KHDRBS2: variants seen among roughly 807,000 people sequenced by gnomAD.
KHDRBS2 encodes KH domain-containing, RNA-binding, signal transduction-associated protein 2.
Under a neutral mutation model 44.3 loss-of-function variants are expected in KHDRBS2, and 26 were observed. That is an observed-to-expected ratio of 0.59 (90% CI 0.43 to 0.81). The LOEUF (loss-of-function observed/expected upper bound fraction) is 0.81. Ranked by LOEUF, KHDRBS2 falls within the 40% of genes least tolerant of loss-of-function variation. The pLI, the probability that KHDRBS2 is intolerant of heterozygous loss-of-function variation, is 0.00. For synonymous variants in KHDRBS2, 194 were observed against 151.1 expected, an observed-to-expected ratio of 1.28 and a Z score of -2.08; for missense variants, 476 against 433.1, an observed-to-expected ratio of 1.10 and a Z score of -0.88.
At chr6:62,275,716 G>A (rs531282856) in intron 1 of KHDRBS2, among the ~76,000 whole-genome samples, 5 of 152,184 alleles carry the variant, frequency 3.3e-5, no homozygotes, top group African/African-American at 9.6e-5. Flanking sequence ...AACAAGTTAT[G>A]TTCTTTAATA....
At chr6:62,157,042 T>C (rs1371683634) in intron 2 of KHDRBS2, among the ~76,000 whole-genome samples, 1 of 151,502 alleles carries the variant, frequency 6.6e-6, no homozygotes, top group Non-Finnish European at 1.5e-5. Flanking sequence ...AGGTTAAATA[T>C]AATAACTTAC....
intron 2 of KHDRBS2, among the ~76,000 whole-genome samples, chr6:62,150,302 G>GAA (rs5876783): frequency 6.3e-4 from 92 of 146,338 alleles, no homozygotes; most frequent in Admixed American, 8.2e-4. Flanking sequence ...AGAGATTGTG[G>GAA]AAAAAAAAAA....
At chr6:61,764,924 T>C (rs1779777241) in intron 6 of KHDRBS2, among the ~76,000 whole-genome samples, 1 of 150,960 alleles carries the variant, frequency 6.6e-6, no homozygotes, top group African/African-American at 2.4e-5. Flanking sequence ...CAGGTGTGCA[T>C]TGTTGTACTT....
intron 6 of KHDRBS2, among the ~76,000 whole-genome samples, chr6:61,808,331 T>C (rs2127591808): frequency 6.6e-6 from 1 of 152,214 alleles, no homozygotes; most frequent in South Asian, 2.1e-4. Context: ...TAATATGAAG[T>C]TGGAGTATTC....
chr6:62,212,173 A>T (rs532942155), intron 1 of KHDRBS2, among the ~76,000 whole-genome samples: 1 of 152,308 alleles, frequency 6.6e-6, no homozygotes, highest in Non-Finnish European at 1.5e-5. Flanking sequence ...AGTCAAATTC[A>T]ATGTAGAACT....
intron 1 of KHDRBS2, among the ~76,000 whole-genome samples, chr6:62,189,759 G>A (rs1370915602): frequency 1.3e-5 from 2 of 149,730 alleles, no homozygotes; most frequent in African/African-American, 2.5e-5. Flanking sequence ...GAAATCAACA[G>A]TGACTCTCAG....
chr6:61,747,741 T>G (rs1409244612), intron 6 of KHDRBS2, among the ~76,000 whole-genome samples: 1 of 152,162 alleles, frequency 6.6e-6, no homozygotes, highest in Non-Finnish European at 1.5e-5. Flanking sequence ...GGAAATATAT[T>G]AACAATGCCC....
rs10570985 is a variant in KHDRBS2, at chr6:62,235,070, CT to C, written c.91+50787del. On this transcript the variant is annotated intron_variant, in intron 1 of 8. Transcript: ENST00000281156. ...ACAAACTGAGATGTTTCCATTTAGG[CT>C]TTTTTTTTTTTTTTTTTTTGAGCCA... 7.2e-3 allele frequency among the ~76,000 whole-genome samples: 775 copies of C among 106,908 alleles called. 2 individuals are homozygous for C. The highest frequency in any genetic ancestry group is 0.026 in the Middle Eastern group (4 of 154). The allele number at this position is 106,908 out of a possible 152,430, so 70.1% of individuals were successfully genotyped here. A position where few individuals can be genotyped will look rare whatever the true frequency, so the allele number is the denominator to read the frequency against.
In KHDRBS2 at chr6:61,835,710, CGTGT is replaced by C. The variant is rs3078000; in HGVS notation, c.810+58921_810+58924del. The stretch of plus-strand genomic sequence containing the variant: ...ATCGTGCAGCTAATGTTGATGTGTG[CGTGT>C]GTGTGTGTGTGTGTGTGTGTGTGTG... On this transcript the variant is annotated intron_variant, in intron 6 of 8. Coordinates refer to ENST00000281156, the MANE Select transcript of KHDRBS2 (RefSeq NM_152688.4). Among the ~76,000 whole-genome samples, 1,253 of 145,542 alleles carry C rather than the reference CGTGT, an allele frequency of 8.6e-3. 16 individuals are homozygous for C. Among genetic ancestry groups the C allele is most frequent in the African/African-American group, 0.025 (1,009 of 39,626 alleles).
the KHDRBS2 span, among the ~76,000 whole-genome samples, chr6:61,661,115 T>G: frequency 1.1e-4 from 16 of 151,920 alleles, no homozygotes; most frequent in South Asian, 4.1e-4. Flanking sequence ...CTAAAAGAGT[T>G]TCTCACTGGT....
chr6:61,713,040 AT>A (rs1463617216), intron 7 of KHDRBS2, among the ~76,000 whole-genome samples: 1 of 151,530 alleles, frequency 6.6e-6, no homozygotes, highest in African/African-American at 2.4e-5. Flanking sequence ...CTTGCTTAGT[AT>A]AGTTCTTCAT....
At chr6:61,772,454 G>C (rs866768107) in intron 6 of KHDRBS2, among the ~76,000 whole-genome samples, 1 of 151,802 alleles carries the variant, frequency 6.6e-6, no homozygotes, top group Admixed American at 6.6e-5. Context: ...GAATAAAATA[G>C]ACACAATAAA....
chr6:62,094,542 T>C (rs1584658402), intron 2 of KHDRBS2, among the ~76,000 whole-genome samples: 1 of 152,042 alleles, frequency 6.6e-6, no homozygotes, highest in East Asian at 1.9e-4. Context: ...TAGTTTGATG[T>C]AATCCCATTT....
intron 2 of KHDRBS2, among the ~76,000 whole-genome samples, chr6:62,145,400 T>G (rs1410115308): frequency 6.6e-6 from 1 of 151,952 alleles, no homozygotes; most frequent in East Asian, 1.9e-4. Context: ...TTTTAATGCA[T>G]TTCTAATAAT....
chr6:61,765,537 A>G (rs1328939894), intron 6 of KHDRBS2, among the ~76,000 whole-genome samples: 8 of 152,174 alleles, frequency 5.3e-5, no homozygotes, highest in Non-Finnish European at 1.0e-4. Flanking sequence ...TTATGGGTAC[A>G]TAATAGGCAT....
At chr6:62,245,075 C>A (rs1322729294) in intron 1 of KHDRBS2, among the ~76,000 whole-genome samples, 3 of 152,120 alleles carry the variant, frequency 2.0e-5, no homozygotes, top group Non-Finnish European at 4.4e-5. Context: ...ACAGACCCAA[C>A]ATTCTCATGC....
At chr6:61,990,164 C>T (rs1248614258) in intron 3 of KHDRBS2, among the ~76,000 whole-genome samples, 1 of 152,056 alleles carries the variant, frequency 6.6e-6, no homozygotes, top group Non-Finnish European at 1.5e-5. Context: ...GCCACAGTCC[C>T]TCTGCTGGGG....
chr6:61,905,550 T>G (rs1189407017), intron 4 of KHDRBS2, among the ~76,000 whole-genome samples: 1 of 152,312 alleles, frequency 6.6e-6, no homozygotes, highest in Admixed American at 6.5e-5. Context: ...AATTCAGATC[T>G]GGGTTAAAGG....
At chr6:62,172,754 G>T (rs1820312967) in intron 2 of KHDRBS2, among the ~76,000 whole-genome samples, 1 of 135,226 alleles carries the variant, frequency 7.4e-6, no homozygotes, top group Non-Finnish European at 1.6e-5. Flanking sequence ...TTGGACCACA[G>T]CACAATAAAA....
Sources: allele counts gnomAD v4.1 joint callset (sites outside exome capture counted in the v4.1 genomes callset), GRCh38; gene constraint gnomAD v4.1.1; transcripts MANE v1.5; gene names NCBI Gene and HGNC (gene_info 2026-07-23, HGNC 2026-07-21).